MICAL2: variants seen among roughly 807,000 people sequenced by gnomAD.
MICAL2 encodes [F-actin]-monooxygenase MICAL2.
In MICAL2, 77 loss-of-function variants were observed where a neutral mutation model predicts 127.3. The observed-to-expected ratio is 0.60, with a 90% CI of 0.50 to 0.73. MICAL2 has a LOEUF of 0.73. MICAL2 is among the 30% of genes least tolerant of loss of function. MICAL2 has a pLI of 0.00. For synonymous variants in MICAL2, 570 were observed against 551.1 expected (o/e 1.03, Z -0.48); for missense variants, 1,351 against 1,434.4 (o/e 0.94, Z 0.94).
intron 34 of MICAL2, among the ~76,000 whole-genome samples, chr11:12,355,942 A>G (rs1939121053): frequency 9.6e-6 from 1 of 103,904 alleles, no homozygotes; most frequent in African/African-American, 3.5e-5. Flanking sequence ...CGACAAGCCT[A>G]AACTGAGAGA....
At chr11:12,333,889 T>C (rs1938695804) in intron 32 of MICAL2, among the ~76,000 whole-genome samples, 2 of 152,186 alleles carry the variant, frequency 1.3e-5, no homozygotes, top group South Asian at 2.1e-4. Flanking sequence ...CATATTCTTA[T>C]ATATATGAAA....
intron 15 of MICAL2, among the ~76,000 whole-genome samples, chr11:12,228,532 G>T (rs1229364808): frequency 1.3e-5 from 2 of 152,216 alleles, no homozygotes; most frequent in African/African-American, 4.8e-5. Context: ...CAGTTAGGAA[G>T]ATAGATGCTG....
intron 24 of MICAL2, among the ~76,000 whole-genome samples, chr11:12,257,782 C>T (rs149166054): frequency 6.6e-6 from 1 of 152,202 alleles, no homozygotes; most frequent in East Asian, 1.9e-4. Flanking sequence ...GTGTCCCCTA[C>T]TGTTACAATT....
chr11:12,255,649 G>A lies in MICAL2; in HGVS notation c.2854G>A (p.Val952Ile), dbSNP rs1862229620. Residue 952 changes from valine (V) to isoleucine (I), a missense_variant, in exon 23 of 28, where the codon GTA becomes ATA. Physicochemically the swap from Val to Ile is conservative, Grantham distance 29 (BLOSUM62 3). Around this residue, in one of 2 missense-constraint regions of MICAL2, gnomAD observed 752 missense variants for 719.4 expected, o/e 1.05. Coordinates refer to ENST00000683283, the MANE Select transcript of MICAL2 (RefSeq NM_001282663.2). ...TGCCTCTGCTCTTGGTTAGCTGACGGTAGGGAAAGTGTCCAGCGGAATAGG... is the reference window on the plus strand; with the variant it reads ...TGCCTCTGCTCTTGGTTAGCTGACGATAGGGAAAGTGTCCAGCGGAATAGG... ...HLRTVHPQLTVGKVSSGIGAA... is the reference protein window; with the variant it reads ...HLRTVHPQLTIGKVSSGIGAA... The A allele has an allele frequency of 6.2e-7, 1 of 1,614,034 alleles. No homozygotes were observed. The highest frequency in any genetic ancestry group is 8.5e-7 in the Non-Finnish European group (1 of 1,179,974).
rs75262410 is a variant in MICAL2, at chr11:12,342,323, G to T, written c.5516-7515G>T. Reference sequence around the variant, plus strand: ...TGGAGATGTGGATAAGCAAACCATCGCATAGGTACCAGGTGCTTGTGTCTT... The same window carrying T: ...TGGAGATGTGGATAAGCAAACCATCTCATAGGTACCAGGTGCTTGTGTCTT... On this transcript the variant is annotated intron_variant, in intron 32 of 34. Coordinates refer to the MICAL2 transcript ENST00000646065. Among the ~76,000 whole-genome samples, 381 of 152,300 alleles carry T rather than the reference G, an allele frequency of 2.5e-3. 3 individuals carry two copies. The highest frequency in any genetic ancestry group is 0.01 in the Middle Eastern group (3 of 294).
intron 3 of MICAL2, among the ~76,000 whole-genome samples, chr11:12,200,033 A>G (rs2134092017): frequency 1.3e-5 from 2 of 152,250 alleles, no homozygotes; most frequent in South Asian, 4.1e-4. Flanking sequence ...GTGAATGGAG[A>G]GCCAGAACTG....
chr11:12,208,083 A>G lies in MICAL2; in HGVS notation c.533A>G (p.His178Arg), dbSNP rs1254936198. Reference protein sequence around the residue: ...KVALMLGVEIHVNVEFVKVLE... With the variant: ...KVALMLGVEIRVNVEFVKVLE... ...GCCCTGATGCTGGGAGTTGAAATCC[A>G]TGTGAATGTGGAGTTCGTGAAGGTT... The change falls in exon 5 of 28, where the codon CAT (histidine) becomes CGT (arginine). Residue 178 changes from histidine (H) to arginine (R), a missense_variant. Transcript: ENST00000683283. 5.0e-6 allele frequency: 8 copies of G among 1,614,066 alleles called. No individual in the cohort carries two copies. Among genetic ancestry groups the G allele is most frequent in the African/African-American group, 1.3e-5 (1 of 74,946 alleles).
At position 12,223,507 on chromosome 11, in the gene MICAL2, C is replaced by T. The variant is rs781168632; in HGVS notation, c.1540+6C>T. ...TGTCAACCTCTCCAGGAAGGGTAAG[C>T]GGCCCTCCTGGGACCCTGGTGGGTG... On this transcript the variant is annotated splice_donor_region_variant and intron_variant, in intron 12 of 27. Transcript: ENST00000683283. 128 of 1,612,338 alleles carry T rather than the reference C, an allele frequency of 7.9e-5. No homozygotes were observed. Among genetic ancestry groups the T allele is most frequent in the Admixed American group, 7.8e-4 (47 of 59,982 alleles).
chr11:12,143,038 C>G (rs777217050), intron 2 of MICAL2, among the ~76,000 whole-genome samples: 2 of 152,212 alleles, frequency 1.3e-5, no homozygotes, highest in Non-Finnish European at 2.9e-5. Flanking sequence ...TGTGGCCTAG[C>G]CTGGTGGTGG....
intron 6 of MICAL2, among the ~76,000 whole-genome samples, chr11:12,210,262 A>G (rs187433519): frequency 1.3e-5 from 2 of 152,222 alleles, no homozygotes; most frequent in African/African-American, 4.8e-5. Context: ...CGTCCCCTCC[A>G]CCTCAACACC....
intron 32 of MICAL2, among the ~76,000 whole-genome samples, chr11:12,337,943 G>A (rs11022310): frequency 0.12 from 18,872 of 152,170 alleles, 1,454 homozygotes; most frequent in South Asian, 0.22. Context: ...GATTTGGGGC[G>A]GAGAGTTCTG....
intron 1 of MICAL2, among the ~76,000 whole-genome samples, chr11:12,120,659 G>A (rs952177964): frequency 4.6e-5 from 7 of 152,226 alleles, no homozygotes; most frequent in Non-Finnish European, 1.0e-4. Flanking sequence ...ATGGGCAGAG[G>A]TAACAGCACA....
rs555804669 is a variant in MICAL2 at position 12,310,578 on chromosome 11, T to G, written c.5213-9118T>G. 2.0e-4 allele frequency among the ~76,000 whole-genome samples: 31 copies of G among 152,298 alleles called. No individual in the cohort carries two copies. The South Asian group carries it at 4.4e-3, about 21-fold the overall frequency. On this transcript the variant is annotated intron_variant, in intron 29 of 34. Coordinates refer to the MICAL2 transcript ENST00000646065. ...TATCATGCTTTTGGTTACTATAGCT[T>G]TGTAATATAATTTGAAATCAAGGAA... is the stretch of plus-strand genomic sequence containing the variant.
rs565741238 is a variant in MICAL2 at position 12,202,924 on chromosome 11, G to A, written c.265-1326G>A. ...AAAAATATAACCTGTATCCATTAGC[G>A]GTCATTCCCCAATTCTCCCTCCCCC... On this transcript the variant is annotated intron_variant, in intron 3 of 27. Transcript: ENST00000683283. Among the ~76,000 whole-genome samples, 98 of 152,222 alleles carry A rather than the reference G, an allele frequency of 6.4e-4. 1 individual carries two copies. The South Asian group carries it at 0.018, about 29-fold the overall frequency.
intron 32 of MICAL2, among the ~76,000 whole-genome samples, chr11:12,330,925 G>GTA (rs1864419516): frequency 6.6e-6 from 1 of 150,536 alleles, no homozygotes; most frequent in Admixed American, 6.7e-5. Flanking sequence ...GTGTGTGTGT[G>GTA]TGTGTGTCTG....
downstream of MICAL2, among the ~76,000 whole-genome samples, chr11:12,266,712 G>T (rs1590714577): frequency 6.6e-6 from 1 of 152,336 alleles, no homozygotes. Flanking sequence ...TAGGAGTCAG[G>T]TGCCTGCTCT....
intron 29 of MICAL2, among the ~76,000 whole-genome samples, chr11:12,311,425 A>ATTTTG (rs1255214473): frequency 6.7e-6 from 1 of 148,598 alleles, no homozygotes; most frequent in Admixed American, 6.7e-5. Flanking sequence ...ATTTTATTTT[A>ATTTTG]TTTTGAGACA....
intron 29 of MICAL2, among the ~76,000 whole-genome samples, chr11:12,303,036 A>G (rs1440862664): frequency 2.0e-5 from 3 of 152,118 alleles, no homozygotes; most frequent in Non-Finnish European, 1.5e-5. Flanking sequence ...AGTGAGTGCA[A>G]GTAGGGGAAA....
downstream of MICAL2, among the ~76,000 whole-genome samples, chr11:12,296,969 T>G (rs533134859): frequency 3.3e-5 from 5 of 152,228 alleles, no homozygotes; most frequent in South Asian, 1.0e-3. Context: ...AAAGTTTAAG[T>G]TATTTCAAAT....
Sources: gnomAD v4.1 joint callset for allele counts (sites outside exome capture counted in the v4.1 genomes callset) on GRCh38, gnomAD v4.1.1 for gene constraint, gnomAD v4.1.1 regional missense constraint, MANE v1.5 for transcripts, NCBI Gene and HGNC (gene_info 2026-07-23, HGNC 2026-07-21) for gene names.